The following USH2A variants were observed in gnomAD, a reference collection of about 807,000 sequenced individuals.
USH2A encodes the protein usherin, also known as Usher syndrome 2A (autosomal recessive, mild).
USH2A carries 443 observed loss-of-function variants against 538.9 expected under a neutral mutation model. That is an observed-to-expected ratio of 0.82 (90% CI 0.76 to 0.89). The LOEUF (loss-of-function observed/expected upper bound fraction) is 0.89, where lower values mean the gene tolerates loss of function less well. Among genes scored for constraint, USH2A ranks in the 40% least tolerant of loss-of-function variants. USH2A has a pLI of 0.00. For synonymous variants in USH2A, 2,413 were observed against 2,273.5 expected (o/e 1.06, Z -1.75); for missense variants, 6,633 against 6,324.8 (o/e 1.05, Z -1.65).
intron 50 of USH2A, 82 bp downstream of exon 50, chr1:215,798,825 T>C (rs1662213756): frequency 6.7e-7 from 1 of 1,501,900 alleles, no homozygotes; most frequent in Non-Finnish European, 9.3e-7. Context: ...ATTACTTATT[T>C]GTTTTATTTC....
intron 4 of USH2A, among the ~76,000 whole-genome samples, chr1:216,338,553 T>C (rs753098579): frequency 6.6e-6 from 1 of 151,546 alleles, no homozygotes; most frequent in Non-Finnish European, 1.5e-5. Flanking sequence ...GTAACTGATA[T>C]ATTCGCCAAT....
chr1:215,759,585 G>C, intron 57 of USH2A, 75 bp downstream of exon 57: 1 of 1,562,234 alleles, frequency 6.4e-7, no homozygotes, highest in Non-Finnish European at 8.8e-7. Flanking sequence ...CTTTCAGTGG[G>C]ACATGCATTT....
At chr1:216,310,122 T>A (rs1289837177) in intron 9 of USH2A, among the ~76,000 whole-genome samples, 1 of 152,122 alleles carries the variant, frequency 6.6e-6, no homozygotes, top group Non-Finnish European at 1.5e-5. Context: ...ATTGGTATAT[T>A]TAGACCATTG....
Position 215,639,158 on chromosome 1 carries a change from G to A in USH2A, c.15049C>T (p.Leu5017Phe), listed in dbSNP as rs753332093. The change falls in exon 69 of 72, where the codon CTT becomes TTT. Residue 5017 changes from leucine (L) to phenylalanine (F), a missense_variant. Coordinates refer to ENST00000307340, the MANE Select transcript of USH2A (RefSeq NM_206933.4). The part of the protein sequence containing the change: ...PLIQYDTSTG[L>F]GLVLTTPGKK... ...AAGTATAATATGAGTTGTTTACCAAGTCCAGTAGAGGTATCATATTGGATC... is the reference window on the plus strand; with the variant it reads ...AAGTATAATATGAGTTGTTTACCAAATCCAGTAGAGGTATCATATTGGATC... The A allele has an allele frequency of 6.2e-7, 1 of 1,614,042 alleles. No individual in the cohort carries two copies. Among genetic ancestry groups the A allele is most frequent in the Non-Finnish European group, 8.5e-7 (1 of 1,179,930 alleles).
intron 35 of USH2A, among the ~76,000 whole-genome samples, chr1:215,986,424 G>A (rs1407679661): frequency 1.3e-5 from 2 of 150,236 alleles, no homozygotes; most frequent in African/African-American, 4.9e-5. Flanking sequence ...TGGGATTACA[G>A]GGGTGAGCCA....
chr1:216,383,305 C>T (rs979477749), intron 3 of USH2A, among the ~76,000 whole-genome samples: 4 of 152,176 alleles, frequency 2.6e-5, no homozygotes, highest in African/African-American at 4.8e-5. Context: ...AGGTACATCA[C>T]TGGCCATGTT....
At chr1:216,115,544 TA>T (rs2032987051) in intron 21 of USH2A, among the ~76,000 whole-genome samples, 3 of 152,158 alleles carry the variant, frequency 2.0e-5, no homozygotes, top group African/African-American at 7.2e-5. Context: ...AGTGTATTAT[TA>T]AAAAGTACAT....
chr1:215,698,147 G>A (rs1412841382), intron 61 of USH2A, among the ~76,000 whole-genome samples: 1 of 152,156 alleles, frequency 6.6e-6, no homozygotes, highest in Non-Finnish European at 1.5e-5. Flanking sequence ...TCCCTGCAGA[G>A]GACATGAACT....
intron 9 of USH2A, among the ~76,000 whole-genome samples, chr1:216,320,563 G>C (rs1314637209): frequency 6.6e-6 from 1 of 152,052 alleles, no homozygotes; most frequent in Non-Finnish European, 1.5e-5. Context: ...GTGTCAATTG[G>C]CAATCCCATC....
At chr1:216,038,886 T>C (rs1405260691) in intron 32 of USH2A, among the ~76,000 whole-genome samples, 1 of 152,080 alleles carries the variant, frequency 6.6e-6, no homozygotes, top group Non-Finnish European at 1.5e-5. Flanking sequence ...TCTAACTGAA[T>C]ATTATTCCCA....
At chr1:216,125,289 G>T (rs534279699) in intron 21 of USH2A, among the ~76,000 whole-genome samples, 2 of 150,058 alleles carry the variant, frequency 1.3e-5, no homozygotes, top group Non-Finnish European at 3.0e-5. Context: ...ATCATTAAAC[G>T]TTATCTAAAA....
intron 54 of USH2A, 27 bp downstream of exon 54, chr1:215,782,015 C>A (rs1173374400): frequency 6.2e-7 from 1 of 1,613,412 alleles, no homozygotes; most frequent in Non-Finnish European, 8.5e-7. Context: ...AACCCCTTTT[C>A]CCAGAGTTTA....
At chr1:215,866,862 G>C (rs1664482655) in intron 44 of USH2A, 145 bp downstream of exon 44, 1 of 1,120,632 alleles carries the variant, frequency 8.9e-7, no homozygotes, top group Admixed American at 2.1e-5. Context: ...TTCAATGACA[G>C]CCCTGTCAAT....
chr1:216,276,372 C>A (rs1027293742), intron 11 of USH2A, among the ~76,000 whole-genome samples: 3 of 152,054 alleles, frequency 2.0e-5, no homozygotes, highest in Admixed American at 6.6e-5. Context: ...GGCACCAAAA[C>A]AACATGTGGG....
intron 43 of USH2A, among the ~76,000 whole-genome samples, chr1:215,870,125 A>G (rs77296268): frequency 0.035 from 5,402 of 152,258 alleles, 161 homozygotes; most frequent in East Asian, 0.14. Flanking sequence ...GTAGCTGGAC[A>G]TAGGGTTTAT....
intron 41 of USH2A, among the ~76,000 whole-genome samples, chr1:215,880,072 G>C (rs1239882144): frequency 2.0e-5 from 3 of 152,144 alleles, no homozygotes; most frequent in African/African-American, 7.2e-5. Flanking sequence ...AGTAATTAGA[G>C]TCATGTTTTG....
At chr1:216,017,130 G>A (rs370182855) in intron 32 of USH2A, among the ~76,000 whole-genome samples, 132 of 152,068 alleles carry the variant, frequency 8.7e-4, no homozygotes, top group African/African-American at 2.6e-3. Flanking sequence ...TAAAATGAGA[G>A]AAAGCCCCTC....
Position 216,119,521 on chromosome 1 carries a change from A to G in USH2A, c.4628-22308T>C, listed in dbSNP as rs1461147829. ...AGACCAATTATTCAAAGCAATAGGAACTCTATGTTGTTTTAAAGTTCTACT... is the reference window on the plus strand; with the variant it reads ...AGACCAATTATTCAAAGCAATAGGAGCTCTATGTTGTTTTAAAGTTCTACT... On this transcript the variant is annotated intron_variant, in intron 21 of 71. Coordinates refer to ENST00000307340, the MANE Select transcript of USH2A (RefSeq NM_206933.4). Among the ~76,000 whole-genome samples the G allele has an allele frequency of 5.3e-5, 8 of 152,026 alleles. No individual in the cohort carries two copies. The East Asian group carries it at 1.2e-3, about 22-fold the overall frequency.
In USH2A at chr1:216,113,137, TAAA is replaced by T. The variant is rs71159901; in HGVS notation, c.4628-15927_4628-15925del. ...ATCATGCTTTACAACCTCCAAATGATAAAAAAAAAAAAAAAAAAACAAAACAAG... is the reference window on the plus strand; with the variant it reads ...ATCATGCTTTACAACCTCCAAATGATAAAAAAAAAAAAAAAACAAAACAAG... On this transcript the variant is annotated intron_variant, in intron 21 of 71. Coordinates refer to ENST00000307340, the MANE Select transcript of USH2A (RefSeq NM_206933.4). Among the ~76,000 whole-genome samples, 477 of 127,564 alleles carry T rather than the reference TAAA, an allele frequency of 3.7e-3. 5 individuals carry two copies. The highest frequency in any genetic ancestry group is 0.01 in the East Asian group (47 of 4,506). The allele number at this position is 127,564 out of a possible 152,430, so 83.7% of individuals were successfully genotyped here.
Sources: allele counts gnomAD v4.1 joint callset (sites outside exome capture counted in the v4.1 genomes callset), GRCh38; gene constraint gnomAD v4.1.1; transcripts MANE v1.5; gene names NCBI Gene and HGNC (gene_info 2026-07-23, HGNC 2026-07-21).